Variants in ANKRD6 observed in about 807,000 individuals in gnomAD.
ANKRD6 encodes the protein ankyrin repeat domain 6.
In ANKRD6, 56 loss-of-function variants were observed where a neutral mutation model predicts 82.3. That is an observed-to-expected ratio of 0.68 (90% CI 0.55 to 0.85). The LOEUF is 0.85. ANKRD6 is among the 40% of genes least tolerant of loss of function. ANKRD6 has a pLI of 0.00. For synonymous variants in ANKRD6, 347 were observed against 352.1 expected, an observed-to-expected ratio of 0.99 and a Z score of 0.16; for missense variants, 852 against 907.6, an observed-to-expected ratio of 0.94 and a Z score of 0.79.
At chr6:89,501,393 A>AT (rs371603308) in intron 1 of ANKRD6, among the ~76,000 whole-genome samples, 358 of 152,316 alleles carry the variant, frequency 2.4e-3, no homozygotes, top group African/African-American at 8.2e-3. Flanking sequence ...TTTGAGAGGG[A>AT]TGCCTTCTTG....
At chr6:89,479,465 C>T (rs1050178697) in intron 1 of ANKRD6, among the ~76,000 whole-genome samples, 24 of 152,224 alleles carry the variant, frequency 1.6e-4, no homozygotes, top group African/African-American at 5.5e-4. Context: ...CTCATTGAAT[C>T]ATCTTCTTTT....
intron 1 of ANKRD6, among the ~76,000 whole-genome samples, chr6:89,556,046 G>A (rs1426921499): frequency 6.6e-6 from 1 of 152,210 alleles, no homozygotes; most frequent in Admixed American, 6.5e-5. Flanking sequence ...AAGAGGCACA[G>A]AGGAAGAGCA....
intron 1 of ANKRD6, among the ~76,000 whole-genome samples, chr6:89,463,082 T>G (rs1049519163): frequency 6.6e-6 from 1 of 152,082 alleles, no homozygotes; most frequent in African/African-American, 2.4e-5. Flanking sequence ...TGCCCTGACT[T>G]GTTTCAAAGT....
At chr6:89,546,589 G>C (rs1480517208) in intron 1 of ANKRD6, among the ~76,000 whole-genome samples, 1 of 151,926 alleles carries the variant, frequency 6.6e-6, no homozygotes, top group Non-Finnish European at 1.5e-5. Flanking sequence ...TCAGCCTCTC[G>C]AGTAGCTGGG....
chr6:89,591,843 T>C (rs768349534), intron 2 of ANKRD6, among the ~76,000 whole-genome samples: 4 of 152,174 alleles, frequency 2.6e-5, no homozygotes, highest in Admixed American at 1.3e-4. Context: ...TGCTGTACTT[T>C]AATCAGAGGC....
chr6:89,484,432 G>A (rs1303442202), intron 1 of ANKRD6, among the ~76,000 whole-genome samples: 2 of 152,126 alleles, frequency 1.3e-5, no homozygotes, highest in Non-Finnish European at 2.9e-5. Context: ...GTACTGGATT[G>A]AGTAAGAGGA....
chr6:89,465,363 C>T (rs1043271070), intron 1 of ANKRD6, among the ~76,000 whole-genome samples: 5 of 152,060 alleles, frequency 3.3e-5, no homozygotes, highest in East Asian at 1.9e-4. Context: ...TCAAGTGATC[C>T]GCCCACCTCA....
intron 7 of ANKRD6, chr6:89,616,314 G>T: frequency 1.9e-6 from 1 of 515,186 alleles, no homozygotes; most frequent in Non-Finnish European, 3.5e-6. Flanking sequence ...TTGCCCCTGC[G>T]TTTAATCCTG....
At chr6:89,589,354 G>T (rs1166182188) in intron 2 of ANKRD6, among the ~76,000 whole-genome samples, 1 of 152,208 alleles carries the variant, frequency 6.6e-6, no homozygotes, top group Non-Finnish European at 1.5e-5. Flanking sequence ...CCTTCCGAGG[G>T]TCCTGGCCCC....
chr6:89,578,953 A>G (rs996794985), intron 2 of ANKRD6, among the ~76,000 whole-genome samples: 4 of 152,046 alleles, frequency 2.6e-5, no homozygotes, highest in East Asian at 1.9e-4. Context: ...CCCTTCCACC[A>G]CTATGCTGGC....
At chr6:89,565,416 G>A (rs183934256) in intron 1 of ANKRD6, 1 of 151,158 alleles carries the variant, frequency 6.6e-6, no homozygotes, top group African/African-American at 2.4e-5. Context: ...TCACAAGAGT[G>A]GGGGGTAAGA....
At chr6:89,627,193 A>G (rs1348846576) in intron 13 of ANKRD6, among the ~76,000 whole-genome samples, 1 of 151,318 alleles carries the variant, frequency 6.6e-6, no homozygotes, top group East Asian at 1.9e-4. Flanking sequence ...AGTAGCTGGG[A>G]CTACAGGCAT....
At position 89,578,299 on chromosome 6, in the gene ANKRD6, T is replaced by G. The variant is rs1354760011; in HGVS notation, c.120+11203T>G. Among the ~76,000 whole-genome samples, 6 of 145,530 alleles carry G rather than the reference T, an allele frequency of 4.1e-5. No homozygotes were observed. The East Asian group carries it at 1.2e-3, about 29-fold the overall frequency. Reference sequence around the variant, plus strand: ...CCCTCCCGCCTCCTTTTTTTTTTTTTTTTTTTTTTTTTTGGAAACAGAGTC... The same window carrying G: ...CCCTCCCGCCTCCTTTTTTTTTTTTGTTTTTTTTTTTTTGGAAACAGAGTC... On this transcript the variant is annotated intron_variant, in intron 2 of 15. Transcript: ENST00000339746.
chr6:89,439,153 A>T (rs1419936084), intron 1 of ANKRD6, among the ~76,000 whole-genome samples: 1 of 152,188 alleles, frequency 6.6e-6, no homozygotes, highest in East Asian at 1.9e-4. Flanking sequence ...TTAGGGAATG[A>T]AGCATATTTA....
At chr6:89,447,854 A>ATTTTTTTTTTT (rs530068070) in intron 1 of ANKRD6, among the ~76,000 whole-genome samples, 12 of 119,010 alleles carry the variant, frequency 1.0e-4, no homozygotes, top group Non-Finnish European at 1.8e-4. Context: ...CGCCCAGCTA[A>ATTTTTTTTTTT]TTTTTTTTTT....
Position 89,581,103 on chromosome 6 carries a change from G to A in ANKRD6, c.120+14007G>A, listed in dbSNP as rs1007194142. Among the ~76,000 whole-genome samples, 5 of 152,044 alleles carry A rather than the reference G, an allele frequency of 3.3e-5. 1 individual carries two copies. The highest frequency in any genetic ancestry group is 4.2e-4 in the South Asian group (2 of 4,814). On this transcript the variant is annotated intron_variant, in intron 2 of 15. Transcript: ENST00000339746. ...CTTACATTGTTCCTGAGATATTTAC[G>A]TACATACACTCAAGTAGATGTATCT...
At chr6:89,488,300 T>A (rs764928726) in intron 1 of ANKRD6, among the ~76,000 whole-genome samples, 1 of 152,182 alleles carries the variant, frequency 6.6e-6, no homozygotes, top group Non-Finnish European at 1.5e-5. Flanking sequence ...CATGACATAA[T>A]GAAGCTGGGT....
chr6:89,538,370 T>A (rs1387466394), intron 1 of ANKRD6, among the ~76,000 whole-genome samples: 1 of 152,212 alleles, frequency 6.6e-6, no homozygotes, highest in Non-Finnish European at 1.5e-5. Context: ...TACAGCAATT[T>A]GACATTGCTG....
chr6:89,579,097 G>T (rs1399666606), intron 2 of ANKRD6, among the ~76,000 whole-genome samples: 1 of 152,194 alleles, frequency 6.6e-6, no homozygotes, highest in African/African-American at 2.4e-5. Flanking sequence ...GATGAAGGCG[G>T]TGTAGTGTAG....
Sources: gnomAD v4.1 joint callset for allele counts (sites outside exome capture counted in the v4.1 genomes callset) on GRCh38, gnomAD v4.1.1 for gene constraint, MANE v1.5 for transcripts, NCBI Gene and HGNC (gene_info 2026-07-23, HGNC 2026-07-21) for gene names.